The following NPEPPS variants were observed in gnomAD, a reference collection of about 807,000 sequenced individuals.
NPEPPS encodes puromycin-sensitive aminopeptidase.
In NPEPPS, 14 loss-of-function variants were observed where a neutral mutation model predicts 115.5. The ratio of observed to expected loss-of-function variants is 0.12; its 90% CI spans 0.08 to 0.19. The LOEUF is 0.19. Ranked by LOEUF, NPEPPS falls within the 10% of genes least tolerant of loss-of-function variation. NPEPPS has a pLI of 1.00. For synonymous variants in NPEPPS, 285 were observed against 390.6 expected (o/e 0.73, Z 3.19); for missense variants, 523 against 1,110.8 (o/e 0.47, Z 7.52).
chr17:47,601,385 CTG>C lies in NPEPPS; in HGVS notation c.1601-221_1601-220del, dbSNP rs571813975. On this transcript the variant is annotated intron_variant, in intron 14 of 22. Transcript: ENST00000322157. Reference sequence around the variant, plus strand: ...ATTTGTGATTCTACAAGTGAGTTAACTGTTTTCTTTTTTTAGACAACATGTTG... The same window carrying C: ...ATTTGTGATTCTACAAGTGAGTTAACTTTTCTTTTTTTAGACAACATGTTG... Among the ~76,000 whole-genome samples the C allele has an allele frequency of 3.0e-3, 456 of 152,042 alleles. 1 individual carries two copies. Among genetic ancestry groups the C allele is most frequent in the Admixed American group, 5.0e-3 (77 of 15,254 alleles).
intron 1 of NPEPPS, among the ~76,000 whole-genome samples, chr17:47,523,443 C>T (rs1207020418): frequency 2.0e-5 from 3 of 149,240 alleles, no homozygotes; most frequent in Non-Finnish European, 4.4e-5. Flanking sequence ...TTTTTTGAGA[C>T]GGGGTCTCGT....
intron 22 of NPEPPS, among the ~76,000 whole-genome samples, chr17:47,620,840 T>G (rs1027256162): frequency 2.6e-5 from 4 of 152,236 alleles, no homozygotes; most frequent in Non-Finnish European, 5.9e-5. Flanking sequence ...TAGAAAAGTT[T>G]ATTCAACTTT....
chr17:47,525,586 G>A (rs763299931), intron 1 of NPEPPS, among the ~76,000 whole-genome samples: 5 of 152,110 alleles, frequency 3.3e-5, no homozygotes, highest in African/African-American at 4.8e-5. Flanking sequence ...CAGGTGAGCC[G>A]CCCACCTTGG....
At chr17:47,587,380 C>T (rs771832929) in intron 9 of NPEPPS, 36 bp downstream of exon 9, 4 of 1,493,266 alleles carry the variant, frequency 2.7e-6, no homozygotes, top group East Asian at 5.0e-5. Flanking sequence ...ATATATTTAT[C>T]TTCATCCTAC....
chr17:47,619,095 C>T lies in NPEPPS; in HGVS notation c.2490C>T (p.Phe830=). ...SKHGRKAAWK[F]IKDNWEELYN... ...ATGGTAGGAAAGCTGCTTGGAAATT[C>T]ATAAAGGACAACTGGGAAGAACTTT... The change falls in exon 21 of 23, where the codon TTC becomes TTT. Residue 830 remains phenylalanine, a synonymous_variant. Transcript: ENST00000322157. The T allele has an allele frequency of 6.2e-7, 1 of 1,613,864 alleles. No homozygotes were observed. Among genetic ancestry groups the T allele is most frequent in the East Asian group, 2.2e-5 (1 of 44,878 alleles).
At chr17:47,574,516 C>T (rs1911387979) in intron 3 of NPEPPS, among the ~76,000 whole-genome samples, 1 of 152,188 alleles carries the variant, frequency 6.6e-6, no homozygotes, top group Non-Finnish European at 1.5e-5. Flanking sequence ...TACACACACA[C>T]ACACGACATA....
intron 2 of NPEPPS, among the ~76,000 whole-genome samples, chr17:47,546,827 C>A (rs906798881): frequency 3.3e-5 from 5 of 152,240 alleles, no homozygotes; most frequent in African/African-American, 1.2e-4. Context: ...AGCCACCACA[C>A]CCGGCCAAAT....
At chr17:47,606,744 A>AGCTTCTATGTCTTTTTTTCATTGATTC (rs150125921) in intron 17 of NPEPPS, among the ~76,000 whole-genome samples, 1 of 152,038 alleles carries the variant, frequency 6.6e-6, no homozygotes, top group Non-Finnish European at 1.5e-5. Context: ...AGCTGGTCCC[A>AGCTTCTATGTCTTTTTTTCATTGATTC]AACAAATATT....
chr17:47,569,413 C>T lies in NPEPPS; in HGVS notation c.341-4C>T, dbSNP rs767280722. 1 of 1,528,152 alleles carries T rather than the reference C, an allele frequency of 6.5e-7. No individual in the cohort carries two copies. The highest frequency in any genetic ancestry group is 9.0e-7 in the Non-Finnish European group (1 of 1,106,746). The allele number at this position is 1,528,152 out of a possible 1,614,324, so 94.7% of individuals were successfully genotyped here. A position where few individuals can be genotyped will look rare whatever the true frequency, so the allele number is the denominator to read the frequency against. ...TTGTAAAGTAATTTTTTTTCTCATT[C>T]CAGAAATACATGCTACAGGATTTAA... On this transcript the variant is annotated splice_polypyrimidine_tract_variant and splice_region_variant and intron_variant, in intron 2 of 22. Coordinates refer to ENST00000322157, the MANE Select transcript of NPEPPS (RefSeq NM_006310.4).
intron 3 of NPEPPS, among the ~76,000 whole-genome samples, chr17:47,573,041 G>A (rs1379364364): frequency 6.6e-6 from 1 of 152,216 alleles, no homozygotes; most frequent in African/African-American, 2.4e-5. Flanking sequence ...CTCTCAAAGT[G>A]CTAGGATTAC....
chr17:47,573,359 T>A (rs1911314158), intron 3 of NPEPPS, among the ~76,000 whole-genome samples: 1 of 152,214 alleles, frequency 6.6e-6, no homozygotes, highest in African/African-American at 2.4e-5. Flanking sequence ...TAGACTCTAA[T>A]GAAGCTGTTC....
chr17:47,543,895 A>G (rs12451766), intron 1 of NPEPPS, among the ~76,000 whole-genome samples: 8,629 of 47,842 alleles, frequency 0.18, 173 homozygotes, highest in Non-Finnish European at 0.27. Context: ...TTGTTTGTTT[A>G]TTTATTTATT....
intron 2 of NPEPPS, among the ~76,000 whole-genome samples, chr17:47,557,805 A>G (rs1910151079): frequency 6.7e-6 from 1 of 149,310 alleles, no homozygotes; most frequent in East Asian, 2.0e-4. Context: ...ATGTAATTTG[A>G]TAAGTTTTCT....
intron 17 of NPEPPS, among the ~76,000 whole-genome samples, chr17:47,609,280 A>G (rs911075817): frequency 6.6e-6 from 1 of 152,212 alleles, no homozygotes; most frequent in Non-Finnish European, 1.5e-5. Context: ...GCACAGATGA[A>G]TAGTGACAGG....
chr17:47,608,965 T>C (rs891368235), intron 17 of NPEPPS, among the ~76,000 whole-genome samples: 1 of 152,046 alleles, frequency 6.6e-6, no homozygotes, highest in Non-Finnish European at 1.5e-5. Context: ...TTCTTTAGAA[T>C]AGGAGGAGAG....
rs745402192 is a variant in NPEPPS at position 47,531,577 on chromosome 17, G to A, written c.255+22G>A. ...CCAGGTACAGCGACCCTCGGGCCCC[G>A]GGGCAAGCTGCGGGGCGAGCAGTTA... is the stretch of plus-strand genomic sequence containing the variant. On this transcript the variant is annotated intron_variant, in intron 1 of 22. Transcript: ENST00000322157. The A allele has an allele frequency of 1.9e-5, 30 of 1,581,288 alleles. No homozygotes were observed. The African/African-American group carries it at 3.5e-4, about 18-fold the overall frequency.
chr17:47,545,866 T>A (rs1157983342), intron 1 of NPEPPS, 43 bp from the exon 2 acceptor site: 1 of 1,465,158 alleles, frequency 6.8e-7, no homozygotes, highest in African/African-American at 1.4e-5. Context: ...ATACTATTAA[T>A]CTAGGCTATT....
Position 47,618,630 on chromosome 17 carries a change from G to A in NPEPPS, c.2403+173G>A, listed in dbSNP as rs1287191878. Among the ~76,000 whole-genome samples, 4 of 152,128 alleles carry A rather than the reference G, an allele frequency of 2.6e-5. No individual in the cohort carries two copies. In the South Asian group the frequency reaches 6.2e-4, roughly 24 times the overall value. On this transcript the variant is annotated intron_variant, in intron 20 of 22. Transcript: ENST00000322157. ...CTTCTGTTTTTCTCCCACTAGTGGCGAGAATCAGAATAGTTGGGAGAGTAA... is the reference window on the plus strand; with the variant it reads ...CTTCTGTTTTTCTCCCACTAGTGGCAAGAATCAGAATAGTTGGGAGAGTAA...
At chr17:47,557,074 T>C (rs1388365555) in intron 2 of NPEPPS, among the ~76,000 whole-genome samples, 2 of 152,232 alleles carry the variant, frequency 1.3e-5, no homozygotes, top group African/African-American at 4.8e-5. Context: ...GGGTTTACTT[T>C]GCAAGGTTTT....
Sources: gnomAD v4.1 joint callset for allele counts (sites outside exome capture counted in the v4.1 genomes callset) on GRCh38, gnomAD v4.1.1 for gene constraint, MANE v1.5 for transcripts, NCBI Gene and HGNC (gene_info 2026-07-23, HGNC 2026-07-21) for gene names.